FERRY3: variants seen among roughly 807,000 people sequenced by gnomAD.
FERRY3 encodes protein C12orf4.
the FERRY3 span, among the ~76,000 whole-genome samples, chr12:4,511,653 A>G: frequency 2.6e-5 from 4 of 151,070 alleles, no homozygotes; most frequent in African/African-American, 9.8e-5. Context: ...GGTACATAAC[A>G]AAATGAAGGC....
chr12:4,529,453 C>T, the FERRY3 span, among the ~76,000 whole-genome samples: 1 of 152,092 alleles, frequency 6.6e-6, no homozygotes, highest in Non-Finnish European at 1.5e-5. Flanking sequence ...GTTTCAAATT[C>T]CAGCATGCCC....
the FERRY3 span, among the ~76,000 whole-genome samples, chr12:4,521,359 C>T: frequency 6.6e-6 from 1 of 152,156 alleles, no homozygotes; most frequent in Admixed American, 6.5e-5. Flanking sequence ...CAGAGAAAGA[C>T]TCTGTCTCGG....
chr12:4,518,115 A>G, the FERRY3 span: 1 of 1,614,084 alleles, frequency 6.2e-7, no homozygotes, highest in Non-Finnish European at 8.5e-7. Flanking sequence ...ACCAGGCCAC[A>G]GAGAGATGTA....
chr12:4,516,779 C>T, the FERRY3 span, among the ~76,000 whole-genome samples: 2 of 152,102 alleles, frequency 1.3e-5, no homozygotes, highest in African/African-American at 4.8e-5. Context: ...ATGGGTTGAT[C>T]TGTGCAGCAA....
chr12:4,517,574 T>G, the FERRY3 span, among the ~76,000 whole-genome samples: 23 of 150,926 alleles, frequency 1.5e-4, no homozygotes, highest in Non-Finnish European at 3.2e-4. Flanking sequence ...ATATATTTTA[T>G]ATATTCTACA....
chr12:4,535,344 G>A, the FERRY3 span, among the ~76,000 whole-genome samples: 2 of 152,188 alleles, frequency 1.3e-5, no homozygotes, highest in Non-Finnish European at 2.9e-5. This position sits in a 1 kb window ranked among gnomAD's most constrained non-coding sequence, Gnocchi z 4.0. Context: ...AAGCTTGCAG[G>A]TGATGCTGTT....
chr12:4,494,861 C>T, the FERRY3 span, among the ~76,000 whole-genome samples: 2 of 152,188 alleles, frequency 1.3e-5, no homozygotes, highest in South Asian at 4.1e-4. Context: ...TCAAAATTAC[C>T]TTATAAGAAT....
chr12:4,525,692 T>C, the FERRY3 span: 50 of 755,130 alleles, frequency 6.6e-5, 1 homozygote, highest in South Asian at 2.0e-5. Flanking sequence ...ATTTATTTTA[T>C]AGAAATGTGT....
the FERRY3 span, chr12:4,529,928 A>G: frequency 1.2e-4 from 195 of 1,613,484 alleles, 1 homozygote; most frequent in South Asian, 6.0e-4. Context: ...AGATACTAAC[A>G]AAGTAATTAT....
the FERRY3 span, among the ~76,000 whole-genome samples, chr12:4,496,694 T>C: frequency 6.6e-6 from 1 of 152,212 alleles, no homozygotes; most frequent in Non-Finnish European, 1.5e-5. Context: ...ATCCTCTCAT[T>C]AGGGTAAGGC....
At chr12:4,535,404 ATAATT>A in the FERRY3 span, among the ~76,000 whole-genome samples, 1 of 152,224 alleles carries the variant, frequency 6.6e-6, no homozygotes, top group East Asian at 1.9e-4. The surrounding 1 kb of genome is among the most constrained non-coding windows in gnomAD (Gnocchi z 4.0). Context: ...CCTAGGGTAA[ATAATT>A]TAACCTCTTT....
At chr12:4,526,133 A>T in the FERRY3 span, among the ~76,000 whole-genome samples, 1 of 152,232 alleles carries the variant, frequency 6.6e-6, no homozygotes, top group South Asian at 2.1e-4. Context: ...CCAAAGAAAT[A>T]ATGTGCAAAA....
the FERRY3 span, among the ~76,000 whole-genome samples, chr12:4,520,849 C>T: frequency 6.6e-6 from 1 of 152,022 alleles, no homozygotes; most frequent in Non-Finnish European, 1.5e-5. Context: ...AACAAACTTG[C>T]CATGCATTTT....
At chr12:4,497,703 T>C in the FERRY3 span, among the ~76,000 whole-genome samples, 3 of 152,194 alleles carry the variant, frequency 2.0e-5, no homozygotes. Context: ...ATCACAAAGA[T>C]CTATTGAGAT....
At chr12:4,518,634 G>C in the FERRY3 span, 1 of 569,704 alleles carries the variant, frequency 1.8e-6, no homozygotes. Context: ...AAGGTGGGTG[G>C]ATTGCTTGAG....
chr12:4,518,865 A>C, the FERRY3 span: 1 of 1,577,804 alleles, frequency 6.3e-7, no homozygotes, highest in South Asian at 1.2e-5. Flanking sequence ...GACTTGGCTG[A>C]ACTTTAATTT....
the FERRY3 span, among the ~76,000 whole-genome samples, chr12:4,534,566 GC>G: frequency 9.2e-5 from 14 of 152,134 alleles, no homozygotes; most frequent in South Asian, 2.5e-3. Context: ...ACCATGCATG[GC>G]TAATTTTTGT....
the FERRY3 span, chr12:4,500,095 A>G: frequency 6.5e-7 from 1 of 1,541,996 alleles, no homozygotes; most frequent in Non-Finnish European, 9.0e-7. Context: ...CAATATTATG[A>G]TTATGTAAAT....
chr12:4,534,428 G>C, the FERRY3 span: 1 of 1,063,186 alleles, frequency 9.4e-7, no homozygotes, highest in Non-Finnish European at 1.3e-6. Context: ...TAGAGATGGG[G>C]TCTCTCTCTC....
Sources: allele counts gnomAD v4.1 joint callset (sites outside exome capture counted in the v4.1 genomes callset), GRCh38; gene constraint gnomAD v4.1.1; non-coding constraint Gnocchi (gnomAD v3.1); transcripts MANE v1.5; gene names NCBI Gene and HGNC (gene_info 2026-07-23, HGNC 2026-07-21).